Variants in PPHLN1 observed in about 807,000 individuals in gnomAD.
The protein encoded by PPHLN1 is periphilin 1, also known as periphilin-1.
PPHLN1 carries 29 observed loss-of-function variants against 51.3 expected under a neutral mutation model. That is an observed-to-expected ratio of 0.57 (90% CI 0.42 to 0.77). The LOEUF is 0.77. Among genes scored for constraint, PPHLN1 ranks in the 30% least tolerant of loss-of-function variants. The pLI is 0.00. For synonymous variants in PPHLN1, 147 were observed against 147.8 expected, an observed-to-expected ratio of 0.99 and a Z score of 0.04; for missense variants, 436 against 438.4, an observed-to-expected ratio of 0.99 and a Z score of 0.05.
chr12:42,366,541 GT>G (rs1421941768), intron 4 of PPHLN1, among the ~76,000 whole-genome samples: 1 of 149,900 alleles, frequency 6.7e-6, no homozygotes, highest in Non-Finnish European at 1.5e-5. Context: ...GTTTTTTTTT[GT>G]TTTTGTTTTT....
chr12:42,388,234 G>A (rs534983481), intron 7 of PPHLN1, among the ~76,000 whole-genome samples: 3 of 152,322 alleles, frequency 2.0e-5, no homozygotes, highest in African/African-American at 7.2e-5. Flanking sequence ...GGAACTGAAT[G>A]TCTTGGTATA....
intron 5 of PPHLN1, among the ~76,000 whole-genome samples, chr12:42,378,684 C>T (rs1208812369): frequency 6.6e-6 from 1 of 151,958 alleles, no homozygotes; most frequent in Non-Finnish European, 1.5e-5. Context: ...AGTGATTTTA[C>T]TACATTTTTA....
intron 9 of PPHLN1, among the ~76,000 whole-genome samples, chr12:42,408,476 A>G (rs1454096174): frequency 6.6e-6 from 1 of 152,062 alleles, no homozygotes; most frequent in African/African-American, 2.4e-5. Context: ...GGAATTTTAT[A>G]CAGGCAGTAG....
At chr12:42,355,841 A>ATTATGGATTTGCTTATGG (rs2073994381) in intron 4 of PPHLN1, among the ~76,000 whole-genome samples, 2 of 152,044 alleles carry the variant, frequency 1.3e-5, no homozygotes, top group South Asian at 4.1e-4. Context: ...AGGTTTGCTT[A>ATTATGGATTTGCTTATGG]ATTAGTATTT....
At chr12:42,369,876 A>G (rs192046380) in intron 4 of PPHLN1, among the ~76,000 whole-genome samples, 1 of 152,252 alleles carries the variant, frequency 6.6e-6, no homozygotes, top group East Asian at 1.9e-4. Context: ...TTTCCAGGAG[A>G]CCATTCCTTC....
chr12:42,402,265 T>C (rs1399593830), intron 9 of PPHLN1, among the ~76,000 whole-genome samples: 3 of 152,236 alleles, frequency 2.0e-5, no homozygotes, highest in African/African-American at 7.2e-5. Flanking sequence ...TTTTTGTTTC[T>C]GTAAAGACAA....
chr12:42,385,496 A>G (rs188460105), intron 6 of PPHLN1, among the ~76,000 whole-genome samples: 23 of 152,318 alleles, frequency 1.5e-4, no homozygotes, highest in African/African-American at 5.0e-4. Context: ...AAATCAGGAA[A>G]GGTCCAAGAC....
At chr12:42,356,442 T>C (rs2074055988) in intron 4 of PPHLN1, among the ~76,000 whole-genome samples, 1 of 152,184 alleles carries the variant, frequency 6.6e-6, no homozygotes. Flanking sequence ...AGCAAGCTAG[T>C]CCTCCTTTCC....
chr12:42,445,923 T>C (rs1034372606), downstream of PPHLN1: 2 of 1,452,578 alleles, frequency 1.4e-6, no homozygotes, highest in Non-Finnish European at 1.8e-6. Context: ...ATGGTCCAAA[T>C]GTTTTGCTAA....
At chr12:42,337,389 G>A (rs11181431) in intron 2 of PPHLN1, among the ~76,000 whole-genome samples, 24,639 of 150,300 alleles carry the variant, frequency 0.16, 2,048 homozygotes, top group Admixed American at 0.21. Context: ...TCGGCTCACT[G>A]GGTTCAAGCG....
At position 42,333,568 on chromosome 12, in the gene PPHLN1, C is replaced by T. The variant is rs536801381; in HGVS notation, c.-20-2315C>T. ...CACAATCTTAGCTCACTGCAAGCTC[C>T]GCCTCCCGGGTTCATGCCATTCTCC... On this transcript the variant is annotated intron_variant, in intron 1 of 9. Transcript: ENST00000358314. 7.2e-5 allele frequency among the ~76,000 whole-genome samples: 11 copies of T among 151,976 alleles called. No individual in the cohort carries two copies. The East Asian group carries it at 7.7e-4, about 11-fold the overall frequency.
intron 4 of PPHLN1, among the ~76,000 whole-genome samples, chr12:42,360,389 C>T: frequency 7.7e-6 from 1 of 129,662 alleles, no homozygotes; most frequent in Non-Finnish European, 1.6e-5. Flanking sequence ...TTCTTCATTT[C>T]TTCATGATTA....
rs151312508 is a variant in PPHLN1, at chr12:42,433,244, A to G, written c.910-8071A>G. ...TTGCTCTTGAATATACCTCTACTTC[A>G]TCTCCTTCACTAATTTATTTTTTTA... On this transcript the variant is annotated intron_variant, in intron 9 of 9. Transcript: ENST00000358314. 256 of 726,438 alleles carry G rather than the reference A, an allele frequency of 3.5e-4. 2 individuals are homozygous for G. The highest frequency in any genetic ancestry group is 3.2e-3 in the East Asian group (123 of 38,476). 45.0% of individuals were successfully genotyped at this position (726,438 alleles called of 1,614,324 possible). A position where few individuals can be genotyped will look rare whatever the true frequency, so the allele number is the denominator to read the frequency against.
chr12:42,439,987 T>C (rs2082807409), intron 9 of PPHLN1, among the ~76,000 whole-genome samples: 1 of 151,908 alleles, frequency 6.6e-6, no homozygotes, highest in African/African-American at 2.4e-5. Context: ...TATATTGAAA[T>C]TTATGTAGGT....
chr12:42,435,941 G>A (rs188030464), intron 9 of PPHLN1, among the ~76,000 whole-genome samples: 209 of 152,268 alleles, frequency 1.4e-3, no homozygotes, highest in African/African-American at 3.4e-3. Flanking sequence ...AGCCACTAGC[G>A]TTTGAAATAG....
intron 1 of PPHLN1, chr12:42,331,952 T>G (rs2069811961): frequency 6.6e-6 from 1 of 152,258 alleles, no homozygotes; most frequent in South Asian, 2.1e-4. Flanking sequence ...ATGCCGCTAA[T>G]CAGGAAGCTT....
intron 2 of PPHLN1, 138 bp from the exon 3 acceptor site, chr12:42,351,747 A>G (rs750261616): frequency 2.2e-5 from 13 of 577,900 alleles, no homozygotes; most frequent in Non-Finnish European, 3.2e-5. Flanking sequence ...AGTTATATTT[A>G]TGTTATTTCA....
chr12:42,400,775 T>TTC (rs149564937), intron 9 of PPHLN1, among the ~76,000 whole-genome samples: 5,551 of 125,448 alleles, frequency 0.044, 339 homozygotes, highest in African/African-American at 0.15. Context: ...CTCTCTCTCT[T>TTC]TCTCTCTCTC....
chr12:42,446,570 T>G, downstream of PPHLN1: 1 of 1,612,878 alleles, frequency 6.2e-7, no homozygotes, highest in Non-Finnish European at 8.5e-7. Context: ...CATGTTTGTC[T>G]CTTGTTGTTT....
Sources: gnomAD v4.1 joint callset for allele counts (sites outside exome capture counted in the v4.1 genomes callset) on GRCh38, gnomAD v4.1.1 for gene constraint, MANE v1.5 for transcripts, NCBI Gene and HGNC (gene_info 2026-07-23, HGNC 2026-07-21) for gene names.